MARCHF3: variants seen among roughly 807,000 people sequenced by gnomAD.
The protein encoded by MARCHF3 is membrane associated ring-CH-type finger 3.
A neutral mutation model predicts 24.2 loss-of-function variants in MARCHF3; 13 were observed. That is an observed-to-expected ratio of 0.54 (90% CI 0.35 to 0.85). The LOEUF is 0.85. Among genes scored for constraint, MARCHF3 ranks in the 40% least tolerant of loss-of-function variants. MARCHF3 has a pLI of 0.01. For missense variants in MARCHF3, 276 were observed against 325.0 expected (o/e 0.85, Z 1.16); for synonymous variants, 144 against 137.3 (o/e 1.05, Z -0.34).
intron 1 of MARCHF3, among the ~76,000 whole-genome samples, chr5:126,978,264 C>A (rs1208193967): frequency 1.3e-5 from 2 of 152,150 alleles, no homozygotes; most frequent in Non-Finnish European, 1.5e-5. Flanking sequence ...ACCTAAAGGC[C>A]AGAAAGGGCC....
intron 3 of MARCHF3, among the ~76,000 whole-genome samples, chr5:126,889,768 T>A (rs4579299): frequency 7.2e-5 from 11 of 152,192 alleles, no homozygotes; most frequent in Non-Finnish European, 1.6e-4. Context: ...TTAGGAATCA[T>A]TCAAGGCTCC....
At chr5:126,928,969 TA>T (rs760537876) in intron 1 of MARCHF3, among the ~76,000 whole-genome samples, 8 of 152,220 alleles carry the variant, frequency 5.3e-5, no homozygotes, top group African/African-American at 1.2e-4. Flanking sequence ...ATTCCCTTGA[TA>T]TCATCTACTA....
At chr5:126,938,579 C>G (rs1426687139) in intron 1 of MARCHF3, among the ~76,000 whole-genome samples, 1 of 151,382 alleles carries the variant, frequency 6.6e-6, no homozygotes, top group Non-Finnish European at 1.5e-5. Context: ...TACAAAAAAA[C>G]CCTTAGAGCC....
rs58019558 is a variant in MARCHF3 at position 126,897,394 on chromosome 5, G to C, written c.393+17536C>G. ...TTCTGAGAATTGTCATTTATCCTTA[G>C]ACCCTGACCCTCTCCTTACTCCTCA... On this transcript the variant is annotated intron_variant, in intron 3 of 4. Transcript: ENST00000308660. Among the ~76,000 whole-genome samples the C allele has an allele frequency of 1.7e-4, 26 of 151,960 alleles. No homozygotes were observed. The South Asian group carries it at 5.2e-3, about 30-fold the overall frequency.
chr5:126,987,487 C>T lies in MARCHF3; in HGVS notation c.-57+42863G>A, dbSNP rs116059691. On this transcript the variant is annotated intron_variant, in intron 1 of 4. Transcript: ENST00000308660. ...CTGAATTTCTGGCATGTCTGCCTGC[C>T]CCATGGGTTTTGGACTTCCCAGCCC... Among the ~76,000 whole-genome samples, 74 of 152,274 alleles carry T rather than the reference C, an allele frequency of 4.9e-4. No homozygotes were observed. The South Asian group carries it at 0.015, about 30-fold the overall frequency.
intron 3 of MARCHF3, among the ~76,000 whole-genome samples, chr5:126,912,710 G>T (rs966840594): frequency 6.6e-6 from 1 of 152,158 alleles, no homozygotes; most frequent in Non-Finnish European, 1.5e-5. Context: ...GCCCGCACCT[G>T]GTTCTCATTT....
chr5:126,874,574 G>A (rs1344401626), intron 4 of MARCHF3, among the ~76,000 whole-genome samples: 1 of 142,294 alleles, frequency 7.0e-6, no homozygotes, highest in Non-Finnish European at 1.5e-5. Context: ...CAACAAGAGC[G>A]AAACTCCCTC....
chr5:126,909,089 G>A (rs1351498741), intron 3 of MARCHF3, among the ~76,000 whole-genome samples: 1 of 152,204 alleles, frequency 6.6e-6, no homozygotes, highest in Non-Finnish European at 1.5e-5. Flanking sequence ...CGTGTGAGGT[G>A]TCAGTCTGCC....
chr5:127,010,258 T>C lies in MARCHF3; in HGVS notation c.-57+20092A>G, dbSNP rs531767588. On this transcript the variant is annotated intron_variant, in intron 1 of 4. Transcript: ENST00000308660. ...AGGGGTTACACAAGGCACATAAAGG[T>C]TTAGATATTTATTAGTTATTCAAAC... Among the ~76,000 whole-genome samples the C allele has an allele frequency of 3.5e-4, 54 of 152,238 alleles. 1 individual carries two copies. The highest frequency in any genetic ancestry group is 1.3e-3 in the African/African-American group (53 of 41,552).
At chr5:126,870,815 A>G in intron 4 of MARCHF3, 24 bp from the exon 5 acceptor site, 2 of 1,612,522 alleles carry the variant, frequency 1.2e-6, no homozygotes. Flanking sequence ...AGGAAAAGTA[A>G]GAGAAAAGAA....
intron 2 of MARCHF3, among the ~76,000 whole-genome samples, chr5:126,916,692 GACACACACACACACACACACACAC>G (rs34090036): frequency 3.1e-5 from 4 of 130,480 alleles, no homozygotes; most frequent in African/African-American, 9.6e-5. Flanking sequence ...CAGACAGACA[GACACACACACACACACACACACAC>G]ACACACACAC....
At chr5:126,890,542 G>GA (rs1213619971) in intron 3 of MARCHF3, among the ~76,000 whole-genome samples, 1 of 150,266 alleles carries the variant, frequency 6.7e-6, no homozygotes, top group East Asian at 2.0e-4. Flanking sequence ...GCAGTGTTTG[G>GA]TTTTTTGTTC....
At chr5:126,953,977 A>G (rs918509634) in intron 1 of MARCHF3, among the ~76,000 whole-genome samples, 17 of 152,094 alleles carry the variant, frequency 1.1e-4, no homozygotes, top group Non-Finnish European at 2.4e-4. Flanking sequence ...AATCCATCAT[A>G]TTTTTAATTT....
intron 1 of MARCHF3, among the ~76,000 whole-genome samples, chr5:126,987,588 C>T (rs1340116937): frequency 6.6e-6 from 1 of 152,178 alleles, no homozygotes; most frequent in Non-Finnish European, 1.5e-5. Flanking sequence ...CTTCCCCATC[C>T]CCCAACCCCC....
intron 3 of MARCHF3, among the ~76,000 whole-genome samples, chr5:126,896,377 A>C (rs76261269): frequency 0.02 from 3,103 of 152,230 alleles, 78 homozygotes; most frequent in South Asian, 0.11. Flanking sequence ...GCTCAAATGA[A>C]ATGATTCATG....
At chr5:126,922,512 T>TTTTATTTTATTTA (rs1554065916) in intron 1 of MARCHF3, among the ~76,000 whole-genome samples, 1 of 142,820 alleles carries the variant, frequency 7.0e-6, no homozygotes, top group African/African-American at 2.6e-5. Flanking sequence ...CATTTCTGTC[T>TTTTATTTTATTTA]TTTATTTATT....
intron 3 of MARCHF3, among the ~76,000 whole-genome samples, chr5:126,890,240 G>T (rs1437966149): frequency 6.6e-6 from 1 of 150,868 alleles, no homozygotes; most frequent in Admixed American, 6.6e-5. Context: ...TCACAGACTT[G>T]TCTTCAGAAA....
At chr5:127,029,117 A>AC (rs1163184663) in intron 1 of MARCHF3, among the ~76,000 whole-genome samples, 7 of 152,012 alleles carry the variant, frequency 4.6e-5, no homozygotes, top group Non-Finnish European at 1.0e-4. Flanking sequence ...ACTCACTAAC[A>AC]CCCCACAGCT....
chr5:126,988,637 G>C (rs1751644313), intron 1 of MARCHF3, among the ~76,000 whole-genome samples: 1 of 152,092 alleles, frequency 6.6e-6, no homozygotes, highest in African/African-American at 2.4e-5. Flanking sequence ...ATTATTTTAA[G>C]GTACAAAGAT....
Sources: allele counts gnomAD v4.1 joint callset (sites outside exome capture counted in the v4.1 genomes callset), GRCh38; gene constraint gnomAD v4.1.1; transcripts MANE v1.5; gene names NCBI Gene and HGNC (gene_info 2026-07-23, HGNC 2026-07-21).